Variants in SYBU observed in about 807,000 individuals in gnomAD.
The protein encoded by SYBU is syntabulin.
A neutral mutation model predicts 35.9 loss-of-function variants in SYBU; 21 were observed. That is an observed-to-expected ratio of 0.58 (90% CI 0.41 to 0.84). The LOEUF is 0.84. Among genes scored for constraint, SYBU ranks in the 40% least tolerant of loss-of-function variants. SYBU has a pLI of 0.00. For missense variants in SYBU, 768 were observed against 848.2 expected, an observed-to-expected ratio of 0.91 and a Z score of 1.17; for synonymous variants, 319 against 324.3, an observed-to-expected ratio of 0.98 and a Z score of 0.18.
intron 3 of SYBU, among the ~76,000 whole-genome samples, chr8:109,617,851 G>A (rs1427888646): frequency 6.6e-6 from 1 of 152,204 alleles, no homozygotes; most frequent in East Asian, 1.9e-4. Flanking sequence ...ACAAGAGCAA[G>A]ATGAAGAATA....
At chr8:109,659,742 A>G (rs1047097509) in intron 1 of SYBU, among the ~76,000 whole-genome samples, 5 of 152,070 alleles carry the variant, frequency 3.3e-5, no homozygotes, top group Admixed American at 3.3e-4. Flanking sequence ...CAAATCTTAT[A>G]GGTCTTTTGC....
At chr8:109,678,674 C>T (rs573187729) in intron 1 of SYBU, among the ~76,000 whole-genome samples, 31 of 152,036 alleles carry the variant, frequency 2.0e-4, no homozygotes, top group Non-Finnish European at 2.4e-4. Context: ...CTCCTGACAT[C>T]GTGATCCACC....
chr8:109,604,589 G>T (rs1825874862), intron 3 of SYBU, among the ~76,000 whole-genome samples: 1 of 152,222 alleles, frequency 6.6e-6, no homozygotes, highest in Non-Finnish European at 1.5e-5. Flanking sequence ...AGGAAGGGTG[G>T]AAATGCTGAG....
At chr8:109,669,946 A>G (rs1486637790) in intron 1 of SYBU, among the ~76,000 whole-genome samples, 3 of 152,224 alleles carry the variant, frequency 2.0e-5, no homozygotes, top group Non-Finnish European at 4.4e-5. Flanking sequence ...ATAAATGTAG[A>G]GGTTTTAGCA....
At chr8:109,606,667 A>T (rs1826096546) in intron 3 of SYBU, among the ~76,000 whole-genome samples, 3 of 152,192 alleles carry the variant, frequency 2.0e-5, no homozygotes, top group Admixed American at 2.0e-4. Flanking sequence ...TACTGTTAGA[A>T]ATTATACTTA....
chr8:109,575,321 G>A lies in SYBU; in HGVS notation c.1577C>T (p.Pro526Leu), dbSNP rs1054929630. The change falls in exon 7 of 7, where the codon CCA (proline) becomes CTA (leucine). Residue 526 changes from proline to leucine, a missense_variant. Transcript: ENST00000276646. ...CTCTGGGAAGCTCTCCATCGAGTCT[G>A]GTTCAGACTCATCAGGGGACGCCAA... Reference protein sequence around the residue: ...SSLASPDESEPDSMESFPESL... With the variant: ...SSLASPDESELDSMESFPESL... The A allele has an allele frequency of 1.2e-6, 2 of 1,614,044 alleles. No homozygotes were observed. The highest frequency in any genetic ancestry group is 2.7e-5 in the African/African-American group (2 of 74,926).
chr8:109,669,920 C>A (rs1308457610), intron 1 of SYBU, among the ~76,000 whole-genome samples: 1 of 152,132 alleles, frequency 6.6e-6, no homozygotes, highest in Admixed American at 6.5e-5. Flanking sequence ...TCATCATAGT[C>A]ACATTTATTT....
intron 3 of SYBU, among the ~76,000 whole-genome samples, chr8:109,592,322 G>T (rs1229693370): frequency 6.6e-6 from 1 of 152,192 alleles, no homozygotes; most frequent in Non-Finnish European, 1.5e-5. Context: ...CTGTGTGTGT[G>T]TGTGTACAAT....
chr8:109,632,982 C>A (rs966904373), intron 2 of SYBU, among the ~76,000 whole-genome samples: 5 of 152,114 alleles, frequency 3.3e-5, no homozygotes, highest in African/African-American at 1.2e-4. Context: ...AATAAGTATT[C>A]AATAAATATT....
At chr8:109,687,357 T>C (rs1354744930) in intron 1 of SYBU, among the ~76,000 whole-genome samples, 1 of 152,208 alleles carries the variant, frequency 6.6e-6, no homozygotes, top group Non-Finnish European at 1.5e-5. Context: ...GTCATGTCAC[T>C]AGCTTCTCTT....
intron 3 of SYBU, chr8:109,607,979 G>T (rs969064688): frequency 5.2e-6 from 8 of 1,534,282 alleles, no homozygotes; most frequent in Non-Finnish European, 5.2e-6. Context: ...AGCACAGGCT[G>T]GGGTATGTCT....
Position 109,575,271 on chromosome 8 carries a change from A to AAT in SYBU, c.1625_1626dup (p.Leu543IlefsTer2). The AAT allele has an allele frequency of 6.2e-7, 1 of 1,614,190 alleles. No individual in the cohort carries two copies. Among genetic ancestry groups the AAT allele is most frequent in the Non-Finnish European group, 8.5e-7 (1 of 1,180,032 alleles). On this transcript the variant is annotated frameshift_variant, in exon 7 of 7. Transcript: ENST00000276646. LOFTEE classifies it low-confidence loss of function (END_TRUNC). ...GCTGAGTTTGGATTTCTTGGAGTTAAATCAACCACTAAGGCAGAGAGGGAC... is the reference window on the plus strand; with the variant it reads ...GCTGAGTTTGGATTTCTTGGAGTTAAATATCAACCACTAAGGCAGAGAGGGAC...
chr8:109,604,058 G>C (rs1825819659), intron 3 of SYBU, among the ~76,000 whole-genome samples: 1 of 151,878 alleles, frequency 6.6e-6, no homozygotes, highest in Non-Finnish European at 1.5e-5. Context: ...ATGCTTATCA[G>C]AGAGAAATAA....
At chr8:109,656,431 G>C (rs1816358286) in intron 1 of SYBU, among the ~76,000 whole-genome samples, 1 of 152,050 alleles carries the variant, frequency 6.6e-6, no homozygotes, top group Non-Finnish European at 1.5e-5. Flanking sequence ...GTTGAGTATG[G>C]GGAATAAATA....
chr8:109,580,365 T>C (rs1586728312), intron 4 of SYBU: 1 of 213,752 alleles, frequency 4.7e-6, no homozygotes, highest in East Asian at 1.1e-4. Context: ...ATGGTTTTTG[T>C]TCTAGTCCAC....
At position 109,574,293 on chromosome 8, in the gene SYBU, T is replaced by A; in HGVS notation, c.*613A>T. 1 of 152,624 alleles carries A rather than the reference T, an allele frequency of 6.6e-6. No individual in the cohort carries two copies. Among genetic ancestry groups the A allele is most frequent in the East Asian group, 1.9e-4 (1 of 5,204 alleles). 9.5% of individuals were successfully genotyped at this position (152,624 alleles called of 1,614,324 possible). A position where few individuals can be genotyped will look rare whatever the true frequency, so the allele number is the denominator to read the frequency against. On this transcript the variant is annotated 3_prime_UTR_variant, in exon 7 of 7. Coordinates refer to ENST00000276646, the MANE Select transcript of SYBU (RefSeq NM_001099754.2). ...AAAACACTATATATAATAAGCAAAA[T>A]AAGTTAGTACATTGTAAACTTATGC...
chr8:109,676,210 C>T (rs745833531), intron 1 of SYBU, among the ~76,000 whole-genome samples: 2 of 152,144 alleles, frequency 1.3e-5, no homozygotes, highest in Non-Finnish European at 2.9e-5. Flanking sequence ...GGAAGCATTT[C>T]GTTTGAAAAC....
chr8:109,649,318 G>A (rs183080118), upstream of SYBU, among the ~76,000 whole-genome samples: 3 of 152,100 alleles, frequency 2.0e-5, no homozygotes, highest in Non-Finnish European at 4.4e-5. Context: ...TTGTCTTAAT[G>A]TATGTGTGTT....
chr8:109,639,724 G>A (rs1056122654), intron 2 of SYBU, among the ~76,000 whole-genome samples: 2 of 152,150 alleles, frequency 1.3e-5, no homozygotes, highest in African/African-American at 4.8e-5. Context: ...ATTAAACAAC[G>A]AACACACCTT....
Sources: allele counts gnomAD v4.1 joint callset (sites outside exome capture counted in the v4.1 genomes callset), GRCh38; gene constraint gnomAD v4.1.1; transcripts MANE v1.5; gene names NCBI Gene and HGNC (gene_info 2026-07-23, HGNC 2026-07-21).